Variants in ASMT observed in about 807,000 individuals in gnomAD.
ASMT encodes the protein acetylserotonin N-methyltransferase.
In ASMT, 53 loss-of-function variants were observed where a neutral mutation model predicts 41.3. That is an observed-to-expected ratio of 1.28 (90% CI 1.03 to 1.61). ASMT has a LOEUF of 1.61. ASMT is among the 40% of genes most tolerant of loss of function. The pLI is 0.00. For missense variants in ASMT, 531 were observed against 441.3 expected (o/e 1.20, Z -1.82); for synonymous variants, 231 against 184.8 (o/e 1.25, Z -2.03).
intron 1 of ASMT, among the ~76,000 whole-genome samples, chrX:1,616,978 G>C (rs1304477913): frequency 1.3e-5 from 2 of 151,984 alleles, no homozygotes; most frequent in South Asian, 2.1e-4. Context: ...AAAGTGCTGG[G>C]ATTACAGGCG....
At chrX:1,615,407 AC>A in intron 1 of ASMT, 139 bp downstream of exon 1, 1 of 886,872 alleles carries the variant, frequency 1.1e-6, no homozygotes, top group Middle Eastern at 2.6e-4. Flanking sequence ...ACGTACACCC[AC>A]GATGTAGCCT....
intron 8 of ASMT, among the ~76,000 whole-genome samples, chrX:1,637,052 A>C (rs868081102): frequency 4.6e-5 from 4 of 87,516 alleles, no homozygotes; most frequent in South Asian, 7.5e-4. Flanking sequence ...TCCTGATGGC[A>C]CATGAGGATG....
chrX:1,623,467 C>G, intron 2 of ASMT, 154 bp downstream of exon 2: 3 of 393,964 alleles, frequency 7.6e-6, no homozygotes, highest in Non-Finnish European at 1.0e-5. Flanking sequence ...GGTGTGGTGG[C>G]GTGCACCTGT....
intron 8 of ASMT, 108 bp downstream of exon 8, chrX:1,636,668 C>T: frequency 1.3e-6 from 2 of 1,541,458 alleles, no homozygotes; most frequent in East Asian, 2.3e-5. Context: ...TAAGGGTAGA[C>T]ATCCTGCCCA....
intron 1 of ASMT, among the ~76,000 whole-genome samples, chrX:1,616,810 G>A (rs186684492): frequency 0.037 from 5,578 of 151,078 alleles, 352 homozygotes; most frequent in African/African-American, 0.13. Context: ...CCAGGTTCAC[G>A]CCATTCTCCT....
chrX:1,615,334 G>C, intron 1 of ASMT, 66 bp downstream of exon 1: 1 of 1,438,758 alleles, frequency 7.0e-7, no homozygotes, highest in Non-Finnish European at 9.6e-7. Flanking sequence ...TTCCATTGTT[G>C]TGTCAGTCGA....
intron 8 of ASMT, among the ~76,000 whole-genome samples, chrX:1,642,323 C>T (rs1433697833): frequency 7.0e-6 from 1 of 142,196 alleles, no homozygotes; most frequent in African/African-American, 2.6e-5. Flanking sequence ...CCTGATGGTC[C>T]ATGAGGACAT....
intron 5 of ASMT, 84 bp from the exon 6 acceptor site, chrX:1,632,620 A>C (rs1295179425): frequency 1.8e-5 from 3 of 162,718 alleles, no homozygotes; most frequent in Admixed American, 1.1e-4. Flanking sequence ...GTGCCACTGC[A>C]CTCCAGCCTG....
At chrX:1,618,058 G>A (rs1214038828) in intron 1 of ASMT, among the ~76,000 whole-genome samples, 5 of 149,050 alleles carry the variant, frequency 3.4e-5, no homozygotes, top group South Asian at 2.1e-4. Context: ...TACGCAGAGC[G>A]GCCTCCGCCT....
chrX:1,623,437 A>AAAAT, intron 2 of ASMT, 124 bp downstream of exon 2: 1 of 1,249,888 alleles, frequency 8.0e-7, no homozygotes, highest in Non-Finnish European at 1.1e-6. Flanking sequence ...TCTACTAAAA[A>AAAAT]AAATACAAAA....
intron 1 of ASMT, among the ~76,000 whole-genome samples, chrX:1,619,526 C>T (rs1404655482): frequency 1.4e-5 from 2 of 146,364 alleles, no homozygotes; most frequent in African/African-American, 2.5e-5. Context: ...GCACGTTCTG[C>T]ACATGTACCC....
intron 1 of ASMT, among the ~76,000 whole-genome samples, chrX:1,617,124 G>C (rs1269332309): frequency 2.6e-5 from 4 of 152,010 alleles, no homozygotes; most frequent in African/African-American, 9.7e-5. Flanking sequence ...AGTGAGCTAT[G>C]ATTGCACCAC....
intron 1 of ASMT, 106 bp from the exon 2 acceptor site, chrX:1,623,033 A>T: frequency 8.9e-7 from 1 of 1,122,026 alleles, no homozygotes; most frequent in South Asian, 1.3e-5. Context: ...AAGAATATAA[A>T]TAAAACAATG....
intron 1 of ASMT, among the ~76,000 whole-genome samples, chrX:1,617,587 A>C (rs1462588044): frequency 2.6e-5 from 4 of 151,746 alleles, no homozygotes; most frequent in Non-Finnish European, 4.4e-5. Context: ...TCTCTCCGTC[A>C]GCAAGCCACC....
rs1172112841 is a variant in ASMT, at chrX:1,627,613, T to TGAAATGAAAC, written c.375-70_375-61dup. On this transcript the variant is annotated intron_variant, in intron 3 of 8. Coordinates refer to ENST00000381241, the MANE Select transcript of ASMT (RefSeq NM_001171038.2). The stretch of plus-strand genomic sequence containing the variant: ...TCCAGCCTGGGCTACAGAGCTGAAA[T>TGAAATGAAAC]GAAATGAAACGAAATGAAACGAAAT... 5.1e-5 allele frequency: 63 copies of TGAAATGAAAC among 1,246,682 alleles called. No homozygotes were observed. In the Middle Eastern group the frequency reaches 7.8e-4, roughly 15 times the overall value. The allele number at this position is 1,246,682 out of a possible 1,614,324, so 77.2% of individuals were successfully genotyped here.
intron 6 of ASMT, 30 bp downstream of exon 6, chrX:1,632,817 C>G (rs1934826628): frequency 2.2e-6 from 1 of 464,642 alleles, no homozygotes; most frequent in African/African-American, 2.0e-5. Context: ...ACCACATGGA[C>G]ACAGGGAGGG....
intron 1 of ASMT, among the ~76,000 whole-genome samples, chrX:1,615,823 C>G (rs1185346709): frequency 6.0e-5 from 9 of 149,030 alleles, no homozygotes; most frequent in Non-Finnish European, 1.3e-4. Flanking sequence ...AAACAAACAA[C>G]AAAAAAAAAG....
At chrX:1,616,780 C>T (rs1465222024) in intron 1 of ASMT, among the ~76,000 whole-genome samples, 2 of 151,194 alleles carry the variant, frequency 1.3e-5, no homozygotes, top group African/African-American at 2.4e-5. Context: ...ACGATCTCGG[C>T]TCACTGCAAG....
intron 3 of ASMT, among the ~76,000 whole-genome samples, 190 bp from the exon 4 acceptor site, chrX:1,627,513 C>T (rs1465122491): frequency 1.3e-5 from 2 of 151,514 alleles, no homozygotes; most frequent in African/African-American, 2.4e-5. Flanking sequence ...CCCAGCTACT[C>T]GGGAGGCTGA....
Sources: allele counts gnomAD v4.1 joint callset (sites outside exome capture counted in the v4.1 genomes callset), GRCh38; gene constraint gnomAD v4.1.1; transcripts MANE v1.5; gene names NCBI Gene and HGNC (gene_info 2026-07-23, HGNC 2026-07-21).